The following DUSP16 variants were observed in gnomAD, a reference collection of about 807,000 sequenced individuals.
The protein encoded by DUSP16 is dual specificity phosphatase 16.
Under a neutral mutation model 58.3 loss-of-function variants are expected in DUSP16, and 21 were observed. The observed-to-expected ratio is 0.36, with a 90% confidence interval of 0.26 to 0.52. DUSP16 has a LOEUF of 0.52. DUSP16 is among the 20% of genes least tolerant of loss of function. The probability of loss-of-function intolerance (pLI) is 0.94; values close to 1 mark genes in which losing one functional copy is unlikely to be tolerated. For missense variants in DUSP16, 726 were observed against 819.0 expected (o/e 0.89, Z 1.39); for synonymous variants, 320 against 323.8 (o/e 0.99, Z 0.12).
At chr12:12,554,239 T>C (rs995978363) in intron 1 of DUSP16, among the ~76,000 whole-genome samples, 1 of 149,972 alleles carries the variant, frequency 6.7e-6, no homozygotes, top group Non-Finnish European at 1.5e-5. Flanking sequence ...AGACTTTTGA[T>C]TAGCTAATTA....
intron 1 of DUSP16, among the ~76,000 whole-genome samples, chr12:12,526,053 C>T (rs980747047): frequency 1.3e-5 from 2 of 152,048 alleles, no homozygotes; most frequent in Non-Finnish European, 2.9e-5. Flanking sequence ...GGCTACTACA[C>T]AAAAAACTGC....
In DUSP16 at chr12:12,477,744, C is replaced by G; in HGVS notation, c.1087G>C (p.Val363Leu). 1 of 1,542,948 alleles carries G rather than the reference C, an allele frequency of 6.5e-7. No homozygotes were observed. The highest frequency in any genetic ancestry group is 1.4e-5 in the South Asian group (1 of 70,070). ...RPVHPASVPS[V>L]PSVQPSLLED... is the part of the protein sequence containing the mutation. ...AACAGCGACGGCTGCACGCTGGGCACGCTGGGCACGCTGGCGGGATGCACG... is the reference window on the plus strand; with the variant it reads ...AACAGCGACGGCTGCACGCTGGGCAGGCTGGGCACGCTGGCGGGATGCACG... The change falls in exon 7 of 7, where the codon GTG becomes CTG. Residue 363 changes from valine to leucine, a missense_variant. Physicochemically the swap from Val to Leu is conservative, Grantham distance 32 (BLOSUM62 1). Coordinates refer to ENST00000298573, the MANE Select transcript of DUSP16 (RefSeq NM_030640.3). The surrounding 1 kb of genome is among the most constrained non-coding windows in gnomAD (Gnocchi z 4.1).
At chr12:12,557,684 G>A (rs1049757541) in intron 1 of DUSP16, among the ~76,000 whole-genome samples, 7 of 152,062 alleles carry the variant, frequency 4.6e-5, no homozygotes, top group African/African-American at 9.7e-5. Flanking sequence ...GCAATTTATC[G>A]ACCCTGATCA....
At chr12:12,551,356 A>C (rs1402454826) in intron 1 of DUSP16, among the ~76,000 whole-genome samples, 1 of 151,816 alleles carries the variant, frequency 6.6e-6, no homozygotes, top group African/African-American at 2.4e-5. Context: ...TACAAAAAAA[A>C]TCAGCCAGGC....
At chr12:12,500,752 C>G in intron 3 of DUSP16, 70 bp from the exon 4 acceptor site, 1 of 1,393,338 alleles carries the variant, frequency 7.2e-7, no homozygotes, top group Non-Finnish European at 9.5e-7. Context: ...TTTCTGTGAA[C>G]TGCTCAAACA....
At chr12:12,513,787 A>G (rs1205669771) in intron 3 of DUSP16, among the ~76,000 whole-genome samples, 1 of 152,188 alleles carries the variant, frequency 6.6e-6, no homozygotes, top group Non-Finnish European at 1.5e-5. Context: ...AAATTAACCC[A>G]TTTACTCTCT....
intron 1 of DUSP16, among the ~76,000 whole-genome samples, chr12:12,555,683 G>C (rs1242398257): frequency 6.6e-6 from 1 of 152,120 alleles, no homozygotes; most frequent in East Asian, 1.9e-4. Context: ...TATTTTTGAG[G>C]AGTACAAGTC....
At chr12:12,499,726 T>G (rs1264473405) in intron 4 of DUSP16, among the ~76,000 whole-genome samples, 1 of 152,234 alleles carries the variant, frequency 6.6e-6, no homozygotes, top group Non-Finnish European at 1.5e-5. Context: ...TCTGACTGCT[T>G]TTTCAATTTG....
At position 12,476,637 on chromosome 12, in the gene DUSP16, G is replaced by A. The variant is rs954959692; in HGVS notation, c.*196C>T. On this transcript the variant is annotated 3_prime_UTR_variant, in exon 7 of 7. Transcript: ENST00000298573. ...GCATCTGCCCTTCCATTTTTGTTGA[G>A]AGAAGTATTAGCTGATCTCTCAAAT... 3.2e-5 allele frequency: 16 copies of A among 504,668 alleles called. No individual in the cohort carries two copies. The highest frequency in any genetic ancestry group is 3.0e-4 in the Admixed American group (8 of 26,584). 31.3% of individuals were successfully genotyped at this position (504,668 alleles called of 1,614,324 possible).
chr12:12,525,729 T>TAC (rs1214393933), intron 1 of DUSP16, among the ~76,000 whole-genome samples: 1 of 106,488 alleles, frequency 9.4e-6, no homozygotes, highest in African/African-American at 3.3e-5. Flanking sequence ...AAAATATATG[T>TAC]ATACACACAC....
At chr12:12,482,330 GT>G (rs1178798025) in intron 5 of DUSP16, among the ~76,000 whole-genome samples, 1 of 152,126 alleles carries the variant, frequency 6.6e-6, no homozygotes, top group Non-Finnish European at 1.5e-5. Flanking sequence ...AGTAACATGC[GT>G]TACGATGTTG....
At chr12:12,524,538 G>A (rs1944276144) in intron 1 of DUSP16, among the ~76,000 whole-genome samples, 1 of 152,170 alleles carries the variant, frequency 6.6e-6, no homozygotes, top group Admixed American at 6.5e-5. Flanking sequence ...TTTCTCTGTA[G>A]TTACTGTTTT....
At chr12:12,541,869 A>G (rs182462484) in intron 1 of DUSP16, among the ~76,000 whole-genome samples, 10 of 152,294 alleles carry the variant, frequency 6.6e-5, no homozygotes, top group Admixed American at 6.5e-4. Context: ...TTGTATAAAA[A>G]TGTTCACAGC....
chr12:12,496,139 T>C (rs1943824752), intron 4 of DUSP16, among the ~76,000 whole-genome samples: 1 of 152,246 alleles, frequency 6.6e-6, no homozygotes, highest in South Asian at 2.1e-4. Flanking sequence ...GGAGGGACAC[T>C]GTAGTCACCT....
intron 1 of DUSP16, chr12:12,560,966 A>ACACACACACACACACACACG (rs59003764): frequency 6.6e-6 from 1 of 152,002 alleles, no homozygotes; most frequent in East Asian, 1.9e-4. Context: ...ACACACACAC[A>ACACACACACACACACACACG]GAGGCGGAAA....
At chr12:12,552,076 G>T (rs1944736360) in intron 1 of DUSP16, among the ~76,000 whole-genome samples, 1 of 152,216 alleles carries the variant, frequency 6.6e-6, no homozygotes, top group African/African-American at 2.4e-5. Context: ...CAAAGTGCAA[G>T]ATGGACCAGT....
intron 3 of DUSP16, among the ~76,000 whole-genome samples, chr12:12,516,845 C>T (rs1333594805): frequency 6.6e-6 from 1 of 152,092 alleles, no homozygotes; most frequent in Non-Finnish European, 1.5e-5. Context: ...TTACTGAAAA[C>T]TTAAGAAGGG....
intron 3 of DUSP16, among the ~76,000 whole-genome samples, chr12:12,511,620 C>T (rs1944080571): frequency 6.6e-6 from 1 of 152,172 alleles, no homozygotes; most frequent in Non-Finnish European, 1.5e-5. Flanking sequence ...CTGCAGACTA[C>T]TCTGAATCAT....
intron 1 of DUSP16, among the ~76,000 whole-genome samples, chr12:12,558,178 T>C (rs1217736181): frequency 1.3e-5 from 2 of 152,262 alleles, no homozygotes; most frequent in African/African-American, 4.8e-5. Flanking sequence ...TGCTAACAAA[T>C]GTTTTGCTTG....
Sources: gnomAD v4.1 joint callset for allele counts (sites outside exome capture counted in the v4.1 genomes callset) on GRCh38, gnomAD v4.1.1 for gene constraint, Gnocchi (gnomAD v3.1) non-coding constraint, MANE v1.5 for transcripts, NCBI Gene and HGNC (gene_info 2026-07-23, HGNC 2026-07-21) for gene names.